Variants in STIM1 observed in about 807,000 individuals in gnomAD.
STIM1 encodes stromal interaction molecule 1.
In STIM1, 25 loss-of-function variants were observed where a neutral mutation model predicts 74.7. The ratio of observed to expected loss-of-function variants is 0.33; its 90% CI spans 0.24 to 0.47. STIM1 has a LOEUF of 0.47. Among genes scored for constraint, STIM1 ranks in the 20% least tolerant of loss-of-function variants. The pLI is 1.00. For synonymous variants in STIM1, 328 were observed against 348.8 expected (o/e 0.94, Z 0.66); for missense variants, 728 against 920.8 (o/e 0.79, Z 2.71).
intron 7 of STIM1, 62 bp from the exon 8 acceptor site, chr11:4,082,122 A>G: frequency 6.5e-7 from 1 of 1,541,178 alleles, no homozygotes; most frequent in South Asian, 1.1e-5. Flanking sequence ...CTGAAGCATC[A>G]TACAGAGATG....
At chr11:3,989,300 CT>C in intron 2 of STIM1, 4 of 936,858 alleles carry the variant, frequency 4.3e-6, no homozygotes, top group Non-Finnish European at 7.1e-6. Flanking sequence ...CCCCTTTTCC[CT>C]TTTGTTTGCA....
chr11:4,020,642 A>G (rs2093946925), intron 2 of STIM1, among the ~76,000 whole-genome samples: 1 of 151,794 alleles, frequency 6.6e-6, no homozygotes, highest in South Asian at 2.1e-4. Flanking sequence ...AGGCTGGAGT[A>G]CAGTGGCATG....
At chr11:3,972,201 C>T (rs1372109636) in intron 2 of STIM1, among the ~76,000 whole-genome samples, 1 of 152,194 alleles carries the variant, frequency 6.6e-6, no homozygotes, top group African/African-American at 2.4e-5. Context: ...TGTATTCAGC[C>T]TCCTACTGGT....
rs2094527687 is a variant in STIM1 at position 4,091,938 on chromosome 11, C to T, written c.*140C>T. On this transcript the variant is annotated 3_prime_UTR_variant, in exon 13 of 13. Transcript: ENST00000526596. ...TCCAGGGGTCTGGGCACTGTACATA[C>T]CTGCCCCCTCATCCTTGGGTCCTTC... The T allele has an allele frequency of 5.6e-5, 63 of 1,125,472 alleles. No individual in the cohort carries two copies. In the South Asian group the frequency reaches 7.1e-4, roughly 13 times the overall value. 69.7% of individuals were successfully genotyped at this position (1,125,472 alleles called of 1,614,324 possible).
intron 2 of STIM1, among the ~76,000 whole-genome samples, chr11:3,979,714 A>G (rs1403416888): frequency 6.6e-6 from 1 of 152,184 alleles, no homozygotes; most frequent in Non-Finnish European, 1.5e-5. Context: ...GCCGGGGATT[A>G]CAGGTGAGAG....
intron 1 of STIM1, among the ~76,000 whole-genome samples, chr11:3,904,608 C>G (rs1040168037): frequency 3.9e-5 from 6 of 152,000 alleles, no homozygotes; most frequent in Non-Finnish European, 8.8e-5. Context: ...TAGATTATAA[C>G]TAGAGGCAGG....
At chr11:3,885,850 C>G (rs1348598133) in intron 1 of STIM1, among the ~76,000 whole-genome samples, 1 of 152,156 alleles carries the variant, frequency 6.6e-6, no homozygotes, top group Non-Finnish European at 1.5e-5. Context: ...GTTGCCCACG[C>G]TGGTGTCAAA....
At chr11:3,943,803 A>G (rs1359075331) in intron 1 of STIM1, among the ~76,000 whole-genome samples, 1 of 152,242 alleles carries the variant, frequency 6.6e-6, no homozygotes, top group Non-Finnish European at 1.5e-5. Context: ...CTAAGGAACA[A>G]AGACAACTTT....
intron 1 of STIM1, among the ~76,000 whole-genome samples, chr11:3,856,621 C>T (rs182537233): frequency 1.9e-3 from 295 of 152,336 alleles, no homozygotes; most frequent in Admixed American, 4.5e-3. Flanking sequence ...CCTCATCCCC[C>T]GCACTCAGGA....
intron 1 of STIM1, among the ~76,000 whole-genome samples, chr11:3,866,663 G>A (rs576407174): frequency 3.3e-5 from 5 of 152,070 alleles, no homozygotes; most frequent in East Asian, 3.9e-4. Flanking sequence ...CTGACCTTGC[G>A]ATCCGCCTGC....
chr11:4,080,116 C>T (rs897751625), intron 7 of STIM1, among the ~76,000 whole-genome samples: 1 of 152,004 alleles, frequency 6.6e-6, no homozygotes, highest in African/African-American at 2.4e-5. Flanking sequence ...TGGTGGTGCA[C>T]ACCTGTGGTC....
At chr11:3,958,116 G>A (rs551052300) in intron 1 of STIM1, among the ~76,000 whole-genome samples, 4 of 152,144 alleles carry the variant, frequency 2.6e-5, no homozygotes, top group East Asian at 3.9e-4. Context: ...CGCCCATCTC[G>A]GCCTCCCAAG....
At chr11:4,037,326 C>CA (rs2094112192) in intron 3 of STIM1, among the ~76,000 whole-genome samples, 2 of 152,220 alleles carry the variant, frequency 1.3e-5, no homozygotes. Flanking sequence ...ACTGGAATTA[C>CA]AGGCGTGAGC....
intron 1 of STIM1, among the ~76,000 whole-genome samples, chr11:3,864,706 G>A (rs952050567): frequency 6.6e-6 from 1 of 152,184 alleles, no homozygotes; most frequent in Non-Finnish European, 1.5e-5. Flanking sequence ...ATAAGGGCAT[G>A]AACACTAGGA....
At chr11:3,977,817 C>G (rs2093463218) in intron 2 of STIM1, among the ~76,000 whole-genome samples, 1 of 151,904 alleles carries the variant, frequency 6.6e-6, no homozygotes, top group Admixed American at 6.6e-5. Context: ...TATGTAAAGC[C>G]CCTAGCACAA....
chr11:4,086,702 TCACCACTAC>T lies in STIM1; in HGVS notation c.1634+166_1634+174del, dbSNP rs1179754918. The T allele has an allele frequency of 1.3e-6, 2 of 1,539,184 alleles. No individual in the cohort carries two copies. The highest frequency in any genetic ancestry group is 3.9e-5 in the Admixed American group (2 of 51,020). ...TCTTGCTCCTCTTCCATCACCACCA[TCACCACTAC>T]CACCACCACCACCACCACCTTCACC... On this transcript the variant is annotated intron_variant, in intron 12 of 12. Transcript: ENST00000526596.
At position 4,010,178 on chromosome 11, in the gene STIM1, T is replaced by TG. The variant is rs2093822192; in HGVS notation, c.271-13695_271-13694insG. Among the ~76,000 whole-genome samples the TG allele has an allele frequency of 2.0e-5, 3 of 151,588 alleles. No homozygotes were observed. In the South Asian group the frequency reaches 6.3e-4, roughly 32 times the overall value. On this transcript the variant is annotated intron_variant, in intron 2 of 12. Coordinates refer to ENST00000526596, the MANE Select transcript of STIM1 (RefSeq NM_001382567.1). ...CTTTTAGTGAAATTTTCTGATTTTT[T>TG]TTTTTTTTTTGAGACAGAGTCTGGC...
intron 7 of STIM1, among the ~76,000 whole-genome samples, chr11:4,078,165 G>A (rs2094447094): frequency 6.6e-6 from 1 of 152,144 alleles, no homozygotes; most frequent in Non-Finnish European, 1.5e-5. Flanking sequence ...TTTCTTTTGT[G>A]AAGTATATTA....
chr11:3,939,713 T>A (rs1011578829), intron 1 of STIM1, among the ~76,000 whole-genome samples: 1 of 152,314 alleles, frequency 6.6e-6, no homozygotes, highest in Non-Finnish European at 1.5e-5. Flanking sequence ...GTGCTCTTAA[T>A]AAATATTTGT....
Sources: gnomAD v4.1 joint callset for allele counts (sites outside exome capture counted in the v4.1 genomes callset) on GRCh38, gnomAD v4.1.1 for gene constraint, MANE v1.5 for transcripts, NCBI Gene and HGNC (gene_info 2026-07-23, HGNC 2026-07-21) for gene names.